Variants in DIP2C observed in about 807,000 individuals in gnomAD.
The protein encoded by DIP2C is DIP2 acetate--CoA ligase C (putative).
Under a neutral mutation model 192.4 loss-of-function variants are expected in DIP2C, and 33 were observed. That is an observed-to-expected ratio of 0.17 (90% CI 0.13 to 0.23). The LOEUF is 0.23. Ranked by LOEUF, DIP2C falls within the 10% of genes least tolerant of loss-of-function variation. DIP2C has a pLI of 1.00. For synonymous variants in DIP2C, 979 were observed against 864.1 expected (o/e 1.13, Z -2.33); for missense variants, 1,537 against 2,110.1 (o/e 0.73, Z 5.32).
chr10:664,017 A>G lies in DIP2C; in HGVS notation c.85+25477T>C, dbSNP rs59381073. 806 of 139,378 alleles carry G rather than the reference A, an allele frequency of 5.8e-3. 7 individuals carry two copies. The highest frequency in any genetic ancestry group is 0.025 in the African/African-American group (763 of 30,102). 8.6% of individuals were successfully genotyped at this position (139,378 alleles called of 1,614,324 possible). A position where few individuals can be genotyped will look rare whatever the true frequency, so the allele number is the denominator to read the frequency against. ...CCCAGGAGGAAAAAACAAAGACGGG[A>G]AAAAACAAAGGCTCCCCACAAGGGC... On this transcript the variant is annotated intron_variant, in intron 1 of 36. Transcript: ENST00000280886.
At chr10:674,771 A>AATATATATAT (rs375454744) in intron 1 of DIP2C, among the ~76,000 whole-genome samples, 4,422 of 27,402 alleles carry the variant, frequency 0.16, 595 homozygotes, top group Middle Eastern at 0.19. Context: ...CTCCATCTCA[A>AATATATATAT]ATATATATAT....
At chr10:290,911 T>G (rs1028073418) in intron 32 of DIP2C, among the ~76,000 whole-genome samples, 2 of 152,234 alleles carry the variant, frequency 1.3e-5, no homozygotes, top group African/African-American at 4.8e-5. Context: ...CTGGCAGCTC[T>G]GGGAGCTGTC....
intron 1 of DIP2C, among the ~76,000 whole-genome samples, chr10:494,864 C>A (rs1174544451): frequency 6.6e-6 from 1 of 152,198 alleles, no homozygotes; most frequent in Non-Finnish European, 1.5e-5. Context: ...ACTCTATGAT[C>A]CAGCAATCCC....
chr10:687,610 A>T (rs1043177800), intron 1 of DIP2C, among the ~76,000 whole-genome samples: 4 of 152,300 alleles, frequency 2.6e-5, no homozygotes, highest in African/African-American at 4.8e-5. Context: ...AGCCCTTTTT[A>T]AAAAACCTGT....
intron 1 of DIP2C, among the ~76,000 whole-genome samples, chr10:584,913 C>T (rs1451750691): frequency 3.0e-5 from 4 of 132,026 alleles, no homozygotes; most frequent in African/African-American, 1.2e-4. Flanking sequence ...TCAGGGCCCG[C>T]GACCTGACCC....
At chr10:477,699 G>C (rs1017827965) in intron 2 of DIP2C, among the ~76,000 whole-genome samples, 25 of 142,280 alleles carry the variant, frequency 1.8e-4, no homozygotes, top group African/African-American at 5.7e-4. Context: ...GCGGAGAAAA[G>C]GAAAGAATAA....
intron 9 of DIP2C, among the ~76,000 whole-genome samples, chr10:406,264 T>C (rs371945089): frequency 1.3e-4 from 20 of 152,368 alleles, no homozygotes; most frequent in East Asian, 9.6e-4. Flanking sequence ...TTCTAACAAT[T>C]TTTACACGTA....
At position 505,623 on chromosome 10, in the gene DIP2C, C is replaced by A. The variant is rs564280270; in HGVS notation, c.86-19093G>T. Among the ~76,000 whole-genome samples the A allele has an allele frequency of 4.9e-3, 567 of 116,260 alleles. 3 individuals are homozygous for A. The highest frequency in any genetic ancestry group is 0.018 in the African/African-American group (545 of 30,822). The allele number at this position is 116,260 out of a possible 152,430, so 76.3% of individuals were successfully genotyped here. Reference sequence around the variant, plus strand: ...TGGGGACCACCTGCCCAGCTATATTCCCTCTGTGGGCACCTGACACCAGGG... The same window carrying A: ...TGGGGACCACCTGCCCAGCTATATTACCTCTGTGGGCACCTGACACCAGGG... On this transcript the variant is annotated intron_variant, in intron 1 of 36. Coordinates refer to ENST00000280886, the MANE Select transcript of DIP2C (RefSeq NM_014974.3).
intron 1 of DIP2C, among the ~76,000 whole-genome samples, chr10:585,108 G>T: frequency 6.6e-6 from 1 of 152,196 alleles, no homozygotes; most frequent in East Asian, 1.9e-4. Context: ...AAGAGCCTTG[G>T]ACACCATTCA....
intron 3 of DIP2C, among the ~76,000 whole-genome samples, chr10:463,857 G>C (rs961859465): frequency 6.3e-4 from 96 of 152,244 alleles, no homozygotes; most frequent in African/African-American, 2.0e-3. Context: ...ACAACCATCT[G>C]ATCTTTGACA....
intron 10 of DIP2C, among the ~76,000 whole-genome samples, chr10:392,105 GA>G (rs1239293478): frequency 6.6e-6 from 1 of 152,192 alleles, no homozygotes; most frequent in East Asian, 1.9e-4. Flanking sequence ...TTTTCACACA[GA>G]TGCTGCTTGC....
At chr10:575,401 G>T (rs964274812) in intron 1 of DIP2C, among the ~76,000 whole-genome samples, 3 of 152,186 alleles carry the variant, frequency 2.0e-5, no homozygotes, top group Non-Finnish European at 4.4e-5. Flanking sequence ...CCATACACGA[G>T]GGGAGCAGTG....
chr10:544,888 C>G (rs1177478808), intron 1 of DIP2C, among the ~76,000 whole-genome samples: 2 of 152,132 alleles, frequency 1.3e-5, no homozygotes, highest in African/African-American at 4.8e-5. Flanking sequence ...ATAGTAACCT[C>G]TGAAATGAAC....
intron 32 of DIP2C, among the ~76,000 whole-genome samples, chr10:294,376 G>GC (rs1425486038): frequency 6.6e-6 from 1 of 152,142 alleles, no homozygotes; most frequent in African/African-American, 2.4e-5. Flanking sequence ...GGAGGCTGAG[G>GC]CAGGAGGATC....
intron 28 of DIP2C, among the ~76,000 whole-genome samples, chr10:344,566 C>CTACT (rs1958331191): frequency 6.6e-6 from 1 of 152,222 alleles, no homozygotes; most frequent in Non-Finnish European, 1.5e-5. Context: ...TCGCAGTGTT[C>CTACT]TACTGTCAGC....
rs1964017405 is a variant in DIP2C, at chr10:396,809, GC to G, written c.1260+2299del. ...GAGCTGTCTGATGCACACGTGGAGT[GC>G]TGGCTGCAAATCCGGTGGGGGGGGG... On this transcript the variant is annotated intron_variant, in intron 10 of 36. Coordinates refer to ENST00000280886, the MANE Select transcript of DIP2C (RefSeq NM_014974.3). Among the ~76,000 whole-genome samples the G allele has an allele frequency of 2.8e-5, 4 of 141,222 alleles. No individual in the cohort carries two copies. In the South Asian group the frequency reaches 9.8e-4, roughly 35 times the overall value. The allele number at this position is 141,222 out of a possible 152,430, so 92.6% of individuals were successfully genotyped here.
At chr10:472,665 G>C in intron 2 of DIP2C, 116 bp from the exon 3 acceptor site, 1 of 897,642 alleles carries the variant, frequency 1.1e-6, no homozygotes, top group East Asian at 2.6e-5. Flanking sequence ...CACGGGACTG[G>C]GCATGGCGGC....
chr10:496,744 A>G (rs116546094), intron 1 of DIP2C, among the ~76,000 whole-genome samples: 2,831 of 145,592 alleles, frequency 0.019, 78 homozygotes, highest in African/African-American at 0.068. Context: ...GTGCCCTCCC[A>G]TGTACTTAAA....
chr10:578,796 C>T (rs1850358121), intron 1 of DIP2C, among the ~76,000 whole-genome samples: 1 of 143,112 alleles, frequency 7.0e-6, no homozygotes, highest in African/African-American at 3.0e-5. Context: ...CATAAGTGCA[C>T]TATAACATGT....
Sources: gnomAD v4.1 joint callset for allele counts (sites outside exome capture counted in the v4.1 genomes callset) on GRCh38, gnomAD v4.1.1 for gene constraint, MANE v1.5 for transcripts, NCBI Gene and HGNC (gene_info 2026-07-23, HGNC 2026-07-21) for gene names.